Variants in KCNMB2 observed in about 807,000 individuals in gnomAD.
The protein encoded by KCNMB2 is calcium-activated potassium channel subunit beta-2.
Under a neutral mutation model 24.5 loss-of-function variants are expected in KCNMB2, and 9 were observed. That is an observed-to-expected ratio of 0.37 (90% confidence interval 0.22 to 0.64). The LOEUF is 0.64. Among genes scored for constraint, KCNMB2 ranks in the 30% least tolerant of loss-of-function variants. The pLI is 0.63. For missense variants in KCNMB2, 226 were observed against 284.3 expected (o/e 0.79, Z 1.47); for synonymous variants, 109 against 104.4 (o/e 1.04, Z -0.27).
At chr3:178,774,295 A>G (rs1277981037) in intron 1 of KCNMB2, among the ~76,000 whole-genome samples, 1 of 152,174 alleles carries the variant, frequency 6.6e-6, no homozygotes, top group Non-Finnish European at 1.5e-5. Flanking sequence ...CTTTGGACTG[A>G]GCCTTGGAAA....
intron 1 of KCNMB2, among the ~76,000 whole-genome samples, chr3:178,752,249 G>T (rs189457431): frequency 1.1e-4 from 16 of 152,316 alleles, no homozygotes; most frequent in Non-Finnish European, 1.6e-4. Flanking sequence ...AGAATTGTTA[G>T]GAATAGCAAT....
intron 1 of KCNMB2, among the ~76,000 whole-genome samples, chr3:178,696,592 A>G (rs774963196): frequency 6.6e-6 from 1 of 151,930 alleles, no homozygotes; most frequent in East Asian, 1.9e-4. Context: ...TCATTTCTCA[A>G]TCTTATTCAG....
chr3:178,656,029 T>C (rs892709735), intron 1 of KCNMB2, among the ~76,000 whole-genome samples: 2 of 152,126 alleles, frequency 1.3e-5, no homozygotes, highest in South Asian at 2.1e-4. Flanking sequence ...TAAAAGGAAA[T>C]ATTATTTCCT....
intron 1 of KCNMB2, among the ~76,000 whole-genome samples, chr3:178,620,232 C>T (rs1718858937): frequency 7.3e-6 from 1 of 136,912 alleles, no homozygotes; most frequent in Non-Finnish European, 1.5e-5. Context: ...ATTAAGTTCT[C>T]AATATTCATA....
intron 1 of KCNMB2, among the ~76,000 whole-genome samples, chr3:178,590,773 C>G (rs1405047459): frequency 6.6e-6 from 1 of 152,168 alleles, no homozygotes; most frequent in Non-Finnish European, 1.5e-5. Context: ...CTGGTCATGA[C>G]TGAGTGTATC....
intron 2 of KCNMB2, among the ~76,000 whole-genome samples, chr3:178,823,281 G>A (rs1168344099): frequency 2.0e-5 from 3 of 152,194 alleles, no homozygotes; most frequent in Non-Finnish European, 2.9e-5. Context: ...CTAATCCAGA[G>A]GCATTGGGAT....
At chr3:178,724,498 T>G (rs1722905607) in intron 1 of KCNMB2, among the ~76,000 whole-genome samples, 1 of 152,168 alleles carries the variant, frequency 6.6e-6, no homozygotes, top group African/African-American at 2.4e-5. Context: ...ACAGAAGCTC[T>G]TTAGTTTAAT....
chr3:178,799,926 A>G (rs1183833822), intron 1 of KCNMB2, among the ~76,000 whole-genome samples: 3 of 152,194 alleles, frequency 2.0e-5, no homozygotes, highest in African/African-American at 2.4e-5. Flanking sequence ...TATATTGGGG[A>G]AAAAGATAGT....
At position 178,550,457 on chromosome 3, in the gene KCNMB2, CAA is replaced by C. The variant is rs71671909; in HGVS notation, c.-68+13770_-68+13771del. ...TGGGCGACAGAGCGAGACTCCGTCT[CAA>C]AAAAAAAAAAAAAAAAAAAAAAAGA... is the stretch of plus-strand genomic sequence containing the variant. On this transcript the variant is annotated intron_variant, in intron 1 of 4. Transcript: ENST00000452583. Among the ~76,000 whole-genome samples, 434 of 45,948 alleles carry C rather than the reference CAA, an allele frequency of 9.4e-3. 1 individual carries two copies. Among genetic ancestry groups the C allele is most frequent in the African/African-American group, 0.033 (415 of 12,514 alleles). The allele number at this position is 45,948 out of a possible 152,430, so 30.1% of individuals were successfully genotyped here.
chr3:178,728,098 G>A (rs1244386351), intron 1 of KCNMB2, among the ~76,000 whole-genome samples: 2 of 152,158 alleles, frequency 1.3e-5, no homozygotes, highest in Non-Finnish European at 2.9e-5. Flanking sequence ...ACCCAAAATT[G>A]TTGTTGCATC....
chr3:178,538,706 G>A (rs138628325), intron 1 of KCNMB2, among the ~76,000 whole-genome samples: 72 of 152,204 alleles, frequency 4.7e-4, no homozygotes, highest in African/African-American at 1.5e-3. Flanking sequence ...AAAAGTTTCC[G>A]TATTCTTGAT....
At chr3:178,755,686 T>C (rs1457111985) in intron 1 of KCNMB2, among the ~76,000 whole-genome samples, 1 of 152,176 alleles carries the variant, frequency 6.6e-6, no homozygotes, top group African/African-American at 2.4e-5. Flanking sequence ...CTCTGGGTTA[T>C]TATTCCTTCA....
chr3:178,804,468 G>T (rs920446137), intron 1 of KCNMB2, among the ~76,000 whole-genome samples: 1 of 152,052 alleles, frequency 6.6e-6, no homozygotes, highest in Non-Finnish European at 1.5e-5. Flanking sequence ...AGAAAACTAG[G>T]GTGGAAACAC....
At chr3:178,806,287 A>G (rs1713964060) in intron 1 of KCNMB2, among the ~76,000 whole-genome samples, 1 of 152,172 alleles carries the variant, frequency 6.6e-6, no homozygotes, top group South Asian at 2.1e-4. Context: ...ATCACTACCC[A>G]CCTTGCAGAG....
At chr3:178,559,415 A>G (rs1716236178) in intron 1 of KCNMB2, among the ~76,000 whole-genome samples, 2 of 151,972 alleles carry the variant, frequency 1.3e-5, no homozygotes, top group Non-Finnish European at 2.9e-5. Context: ...GTATTTTACT[A>G]TGAGAATTTT....
rs901024730 is a variant in KCNMB2, at chr3:178,794,345, C to T, written c.-67-12998C>T. Among the ~76,000 whole-genome samples, 3 of 152,270 alleles carry T rather than the reference C, an allele frequency of 2.0e-5. No homozygotes were observed. The East Asian group carries it at 5.8e-4, about 29-fold the overall frequency. ...GTCCCCTCTATCTGCCCCCAGCTTT[C>T]TCACCTTGGATCAGTACCTGAACAG... On this transcript the variant is annotated intron_variant, in intron 1 of 4. Coordinates refer to ENST00000452583, the MANE Select transcript of KCNMB2 (RefSeq NM_181361.3).
chr3:178,636,326 A>G (rs1294835097), intron 1 of KCNMB2, among the ~76,000 whole-genome samples: 1 of 152,210 alleles, frequency 6.6e-6, no homozygotes, highest in African/African-American at 2.4e-5. Context: ...TGGGTGCACC[A>G]AAATCTTACA....
chr3:178,823,196 A>C (rs1235195958), intron 2 of KCNMB2, among the ~76,000 whole-genome samples: 6 of 152,200 alleles, frequency 3.9e-5, no homozygotes, highest in Non-Finnish European at 2.9e-5. Context: ...TCCAAACAAA[A>C]TCTCAAAAAA....
intron 1 of KCNMB2, among the ~76,000 whole-genome samples, chr3:178,569,994 T>C (rs908219862): frequency 6.6e-5 from 10 of 152,244 alleles, no homozygotes; most frequent in Non-Finnish European, 1.2e-4. Flanking sequence ...CAATATTATT[T>C]CTCTACTCCT....
Sources: gnomAD v4.1 joint callset for allele counts (sites outside exome capture counted in the v4.1 genomes callset) on GRCh38, gnomAD v4.1.1 for gene constraint, MANE v1.5 for transcripts, NCBI Gene and HGNC (gene_info 2026-07-23, HGNC 2026-07-21) for gene names.